MATR3: variants seen among roughly 807,000 people sequenced by gnomAD.
The protein encoded by MATR3 is matrin-3.
Under a neutral mutation model 85.5 loss-of-function variants are expected in MATR3, and 4 were observed. The ratio of observed to expected loss-of-function variants is 0.05; its 90% CI spans 0.02 to 0.11. The LOEUF is 0.11. Among genes scored for constraint, MATR3 ranks in the 10% least tolerant of loss-of-function variants. The pLI is 1.00. For synonymous variants in MATR3, 336 were observed against 343.1 expected (o/e 0.98, Z 0.23); for missense variants, 685 against 1,016.1 (o/e 0.67, Z 4.43).
Position 139,308,034 on chromosome 5 carries a change from C to A in MATR3, c.619C>A (p.Arg207Ser). ...NPVLDYDHGSRSQESGYYDRM... is the reference protein window; with the variant it reads ...NPVLDYDHGSSSQESGYYDRM... ...AGTGCTTGATTATGACCATGGAAGTCGTTCTCAAGAATCTGGTTATTATGA... is the reference window on the plus strand; with the variant it reads ...AGTGCTTGATTATGACCATGGAAGTAGTTCTCAAGAATCTGGTTATTATGA... The change falls in exon 2 of 15, where the codon CGT (arginine) becomes AGT (serine). Residue 207 changes from arginine (R) to serine (S), a missense_variant. Physicochemically the swap from Arg to Ser is moderately radical, Grantham distance 110 (BLOSUM62 -1). Coordinates refer to ENST00000394805, the MANE Select transcript of MATR3 (RefSeq NM_018834.6). 1.2e-6 allele frequency: 2 copies of A among 1,614,012 alleles called. No homozygotes were observed. The highest frequency in any genetic ancestry group is 1.1e-5 in the South Asian group (1 of 91,034).
intron 2 of MATR3, chr5:139,310,793 T>A (rs1215984045): frequency 6.6e-6 from 1 of 151,952 alleles, no homozygotes; most frequent in African/African-American, 2.4e-5. Context: ...TTCTTTTCTT[T>A]TCTTTTTTTC....
intron 2 of MATR3, chr5:139,278,489 A>C: frequency 2.5e-6 from 1 of 401,140 alleles, no homozygotes; most frequent in South Asian, 1.7e-5. Flanking sequence ...TCAGGAAACA[A>C]ATGGGAGGTA....
At chr5:139,318,813 TG>T in intron 7 of MATR3, 94 bp from the exon 8 acceptor site, 1 of 1,097,146 alleles carries the variant, frequency 9.1e-7, no homozygotes, top group Non-Finnish European at 1.4e-6. Flanking sequence ...TGAAAAGATT[TG>T]GGGCATTGTT....
At chr5:139,317,754 T>G in intron 7 of MATR3, 33 bp downstream of exon 7, 1 of 1,503,738 alleles carries the variant, frequency 6.7e-7, no homozygotes. Context: ...TATTCATTTA[T>G]TCATGCCACT....
At chr5:139,294,077 C>T in intron 1 of MATR3, 1 of 1,262,094 alleles carries the variant, frequency 7.9e-7, no homozygotes, top group Non-Finnish European at 1.0e-6. Flanking sequence ...GCCCAGGGTG[C>T]GGCGGGAGAT....
intron 1 of MATR3, among the ~76,000 whole-genome samples, chr5:139,295,482 A>G (rs1279176294): frequency 6.6e-6 from 1 of 152,220 alleles, no homozygotes; most frequent in Non-Finnish European, 1.5e-5. Context: ...CTTTACCCAG[A>G]GAAGTTTCGC....
chr5:139,281,356 G>GTTTTTTTTTTTTTTTTT (rs1371325133), intron 3 of MATR3, among the ~76,000 whole-genome samples: 1 of 101,038 alleles, frequency 9.9e-6, no homozygotes, highest in Non-Finnish European at 2.0e-5. Context: ...TTTTTTTTTT[G>GTTTTTTTTTTTTTTTTT]TTTTTTTTTT....
Position 139,302,074 on chromosome 5 carries a change from C to CT in MATR3, c.-177-5159dup, listed in dbSNP as rs532725180. Reference sequence around the variant, plus strand: ...GTATTTCAGCCTTCCTGGCACTACACTTTTTTATCTTTTCTATTGTATGAT... The same window carrying CT: ...GTATTTCAGCCTTCCTGGCACTACACTTTTTTTATCTTTTCTATTGTATGAT... On this transcript the variant is annotated intron_variant, in intron 1 of 14. Coordinates refer to ENST00000394805, the MANE Select transcript of MATR3 (RefSeq NM_018834.6). Among the ~76,000 whole-genome samples the CT allele has an allele frequency of 2.2e-3, 340 of 152,274 alleles. 1 individual carries two copies. Among genetic ancestry groups the CT allele is most frequent in the Non-Finnish European group, 3.8e-3 (261 of 68,012 alleles).
chr5:139,322,435 T>C (rs1266987210), intron 10 of MATR3, 28 bp from the exon 11 acceptor site: 3 of 1,601,646 alleles, frequency 1.9e-6, no homozygotes, highest in Non-Finnish European at 2.6e-6. Context: ...GCAAATGTGT[T>C]AACTTCTGCA....
At chr5:139,315,296 T>C (rs1315961177) in intron 3 of MATR3, 7 of 222,412 alleles carry the variant, frequency 3.1e-5, no homozygotes, top group African/African-American at 1.7e-4. Context: ...CCTAACTCTG[T>C]TGGGGCTATT....
rs1561939242 is a variant in MATR3, at chr5:139,317,591, G to GAT, written c.1183-3_1183-2dup. The GAT allele has an allele frequency of 6.2e-7, 1 of 1,611,568 alleles. No homozygotes were observed. On this transcript the variant is annotated splice_polypyrimidine_tract_variant and splice_region_variant and intron_variant, in intron 6 of 14. Coordinates refer to ENST00000394805, the MANE Select transcript of MATR3 (RefSeq NM_018834.6). ...ATTGCTTGGTTTTTTTCCCCTAATG[G>GAT]ATAGGAAACTAGCAGAGTTGTTCAC...
intron 1 of MATR3, among the ~76,000 whole-genome samples, chr5:139,297,797 T>C (rs1293028652): frequency 6.6e-6 from 1 of 152,198 alleles, no homozygotes; most frequent in Non-Finnish European, 1.5e-5. Context: ...AAGCTTAGGT[T>C]TGAAAAAATT....
chr5:139,314,619 A>C, intron 2 of MATR3, 56 bp from the exon 3 acceptor site: 4 of 1,409,960 alleles, frequency 2.8e-6, no homozygotes, highest in Admixed American at 3.4e-5. Context: ...TGAATGGTTC[A>C]GATGAAAATA....
intron 7 of MATR3, among the ~76,000 whole-genome samples, chr5:139,318,595 A>G (rs1354227307): frequency 2.0e-5 from 3 of 151,820 alleles, no homozygotes; most frequent in Non-Finnish European, 4.4e-5. Flanking sequence ...GACGTCCACC[A>G]TTACGCCCAG....
intron 2 of MATR3, chr5:139,311,042 C>T (rs1754942417): frequency 1.3e-5 from 2 of 152,200 alleles, no homozygotes; most frequent in African/African-American, 4.8e-5. Flanking sequence ...AGGTGATTCA[C>T]TGCCTTGGCC....
intron 1 of MATR3, among the ~76,000 whole-genome samples, chr5:139,298,699 T>C (rs1415149007): frequency 6.6e-6 from 1 of 152,052 alleles, no homozygotes; most frequent in East Asian, 1.9e-4. Flanking sequence ...ACTGAAAAGA[T>C]TGGAAAAGGC....
In MATR3 at chr5:139,307,567, G is replaced by A; in HGVS notation, c.152G>A (p.Arg51His). Residue 51 changes from arginine to histidine, a missense_variant, in exon 2 of 15, where the codon CGC (arginine) becomes CAC (histidine). Arg to His is a conservative substitution (Grantham distance 29). Coordinates refer to ENST00000394805, the MANE Select transcript of MATR3 (RefSeq NM_018834.6). The surrounding 1 kb of genome is among the most constrained non-coding windows in gnomAD (Gnocchi z 4.4). ...SLGRMNQGTA[R>H]LASLMNLGMS... ...GGAAGGATGAACCAGGGTACTGCAC[G>A]CCTTGCTAGTTTAATGAATCTTGGA... is the stretch of plus-strand genomic sequence containing the variant. 1 of 1,614,068 alleles carries A rather than the reference G, an allele frequency of 6.2e-7. No homozygotes were observed. The highest frequency in any genetic ancestry group is 1.1e-5 in the South Asian group (1 of 91,076).
chr5:139,290,288 C>G (rs574644573), upstream of MATR3, among the ~76,000 whole-genome samples: 2 of 151,242 alleles, frequency 1.3e-5, no homozygotes. Flanking sequence ...GGATTACAGG[C>G]GAGCGCCACC....
rs780189917 is a variant in MATR3 at position 139,314,627 on chromosome 5, A to G, written c.913-48A>G. ...TAGAGTTTGAATGGTTCAGATGAAA[A>G]TATTTCAGCTTTATTTTTGTTAATT... On this transcript the variant is annotated intron_variant, in intron 2 of 14. Coordinates refer to ENST00000394805, the MANE Select transcript of MATR3 (RefSeq NM_018834.6). 21 of 1,503,098 alleles carry G rather than the reference A, an allele frequency of 1.4e-5. No homozygotes were observed. The South Asian group carries it at 1.9e-4, about 14-fold the overall frequency. 93.1% of individuals were successfully genotyped at this position (1,503,098 alleles called of 1,614,324 possible).
Sources: gnomAD v4.1 joint callset for allele counts (sites outside exome capture counted in the v4.1 genomes callset) on GRCh38, gnomAD v4.1.1 for gene constraint, Gnocchi (gnomAD v3.1) non-coding constraint, MANE v1.5 for transcripts, NCBI Gene and HGNC (gene_info 2026-07-23, HGNC 2026-07-21) for gene names.